CNOT6: variants seen among roughly 807,000 people sequenced by gnomAD.
CNOT6 encodes carbon catabolite repression 4 protein.
Under a neutral mutation model 61.2 loss-of-function variants are expected in CNOT6, and 12 were observed. That is an observed-to-expected ratio of 0.20 (90% CI 0.13 to 0.32). CNOT6 has a LOEUF of 0.32. CNOT6 is among the 10% of genes least tolerant of loss of function. CNOT6 has a pLI of 1.00. For missense variants in CNOT6, 405 were observed against 663.9 expected (o/e 0.61, Z 4.28); for synonymous variants, 225 against 240.6 (o/e 0.94, Z 0.60).
chr5:180,549,910 C>T (rs1759510530), intron 2 of CNOT6, 21 bp from the exon 3 acceptor site: 5 of 1,568,778 alleles, frequency 3.2e-6, no homozygotes, highest in East Asian at 4.5e-5. Context: ...TAATCCGTTC[C>T]TGTATTTTTT....
In CNOT6 at chr5:180,529,213, AG is replaced by A. The variant is rs1164068688; in HGVS notation, c.-2-60del. 4.6e-5 allele frequency: 35 copies of A among 766,266 alleles called. No individual in the cohort carries two copies. In the African/African-American group the frequency reaches 5.8e-4, roughly 13 times the overall value. The allele number at this position is 766,266 out of a possible 1,614,324, so 47.5% of individuals were successfully genotyped here. A position where few individuals can be genotyped will look rare whatever the true frequency, so the allele number is the denominator to read the frequency against. On this transcript the variant is annotated intron_variant, in intron 1 of 11. Transcript: ENST00000261951. ...ACTTCGTCTCAAAAAAAAAAAAAAA[AG>A]GTGTTGTGGCTTTTGTTTATTTGAT...
chr5:180,560,818 C>T (rs76609084), intron 4 of CNOT6, among the ~76,000 whole-genome samples: 5,716 of 152,198 alleles, frequency 0.038, 236 homozygotes, highest in African/African-American at 0.1. Context: ...TTTTTCAGCC[C>T]TGTCCTCCGT....
At chr5:180,559,627 T>A (rs1021478664) in intron 4 of CNOT6, among the ~76,000 whole-genome samples, 5 of 152,206 alleles carry the variant, frequency 3.3e-5, no homozygotes, top group Non-Finnish European at 5.9e-5. Context: ...GTCGTAAGTC[T>A]GCCATTTTAT....
chr5:180,546,298 ACT>A (rs1759309799), intron 2 of CNOT6, among the ~76,000 whole-genome samples: 2 of 142,672 alleles, frequency 1.4e-5, no homozygotes, highest in African/African-American at 2.6e-5. Flanking sequence ...TTTTTTCTTC[ACT>A]CTCTTGTTTT....
At chr5:180,517,425 G>A (rs900905580) in intron 1 of CNOT6, among the ~76,000 whole-genome samples, 6 of 151,742 alleles carry the variant, frequency 4.0e-5, no homozygotes, top group Non-Finnish European at 7.4e-5. Flanking sequence ...CACTGTACCC[G>A]GCCGTTTTTA....
At chr5:180,550,149 A>C (rs771061566) in intron 3 of CNOT6, 32 bp downstream of exon 3, 2 of 1,570,790 alleles carry the variant, frequency 1.3e-6, no homozygotes, top group East Asian at 4.5e-5. Context: ...CATACTAGCT[A>C]TATGACCCCT....
intron 1 of CNOT6, among the ~76,000 whole-genome samples, chr5:180,516,939 A>C (rs922224939): frequency 1.3e-5 from 2 of 152,154 alleles, no homozygotes; most frequent in Non-Finnish European, 2.9e-5. Flanking sequence ...CGTGTGTTTC[A>C]TACTGCACCA....
At chr5:180,558,521 A>T (rs994525954) in intron 4 of CNOT6, among the ~76,000 whole-genome samples, 11 of 145,936 alleles carry the variant, frequency 7.5e-5, no homozygotes, top group Non-Finnish European at 1.6e-4. Context: ...AAAAAAAAAA[A>T]CAAAAAACCT....
At chr5:180,559,118 A>G (rs1760044432) in intron 4 of CNOT6, among the ~76,000 whole-genome samples, 1 of 152,186 alleles carries the variant, frequency 6.6e-6, no homozygotes, top group Admixed American at 6.5e-5. Flanking sequence ...TGTTCTATAA[A>G]TATCTATTAG....
rs1193105255 is a variant in CNOT6 at position 180,567,991 on chromosome 5, A to G, written c.1015A>G (p.Ile339Val). 1.9e-6 allele frequency: 3 copies of G among 1,607,094 alleles called. No individual in the cohort carries two copies. The Admixed American group carries it at 5.0e-5, about 27-fold the overall frequency. ...AVLLELRKES[I>V]EMPSGKPHLG... Reference sequence around the variant, plus strand: ...ACTGCTAGAACTTCGGAAGGAATCGATTGAAATGCCGTGTGAGTGCCCTTC... The same window carrying G: ...ACTGCTAGAACTTCGGAAGGAATCGGTTGAAATGCCGTGTGAGTGCCCTTC... The change falls in exon 9 of 12, where the codon ATT (isoleucine) becomes GTT (valine). Residue 339 changes from isoleucine (I) to valine (V), a missense_variant. Around this residue, in one of 5 missense-constraint regions of CNOT6, gnomAD observed 116 missense variants for 184.6 expected, o/e 0.63. Transcript: ENST00000261951.
intron 1 of CNOT6, among the ~76,000 whole-genome samples, chr5:180,512,307 A>C (rs1757432450): frequency 6.6e-6 from 1 of 152,198 alleles, no homozygotes; most frequent in South Asian, 2.1e-4. Flanking sequence ...TTATAGATAG[A>C]ATTTCAGTGT....
At position 180,574,757 on chromosome 5, in the gene CNOT6, C is replaced by T. The variant is rs1466540369; in HGVS notation, c.*557C>T. ...GCTAAATTTTTTTTTAAACCTGTTT[C>T]ATGTGTTATAAAGGCCAGCTTGTAA... On this transcript the variant is annotated 3_prime_UTR_variant, in exon 12 of 12. Coordinates refer to ENST00000261951, the MANE Select transcript of CNOT6 (RefSeq NM_001370472.1). 6 of 154,434 alleles carry T rather than the reference C, an allele frequency of 3.9e-5. No individual in the cohort carries two copies. In the East Asian group the frequency reaches 9.6e-4, roughly 25 times the overall value. 9.6% of individuals were successfully genotyped at this position (154,434 alleles called of 1,614,324 possible).
At chr5:180,535,588 CT>C (rs1758644752) in intron 2 of CNOT6, among the ~76,000 whole-genome samples, 1 of 152,198 alleles carries the variant, frequency 6.6e-6, no homozygotes, top group Non-Finnish European at 1.5e-5. Context: ...GAGGCCGTAT[CT>C]TTGCTATTGT....
chr5:180,539,322 T>C (rs13177323), intron 2 of CNOT6, among the ~76,000 whole-genome samples: 26,421 of 151,052 alleles, frequency 0.17, 2,403 homozygotes, highest in Non-Finnish European at 0.19. Flanking sequence ...TCCTCCTCCT[T>C]AAATTTTTTT....
chr5:180,526,350 G>T (rs1186161810), intron 1 of CNOT6, among the ~76,000 whole-genome samples: 1 of 152,198 alleles, frequency 6.6e-6, no homozygotes, highest in Non-Finnish European at 1.5e-5. Flanking sequence ...TGAGAGGAAG[G>T]AAGGGATTGC....
At chr5:180,503,823 C>G (rs1003450350) in intron 1 of CNOT6, among the ~76,000 whole-genome samples, 2 of 151,352 alleles carry the variant, frequency 1.3e-5, no homozygotes, top group African/African-American at 4.9e-5. Context: ...TCAGGATGGT[C>G]TCGATCTCCT....
chr5:180,503,214 C>A (rs1407699694), intron 1 of CNOT6, among the ~76,000 whole-genome samples: 2 of 150,886 alleles, frequency 1.3e-5, no homozygotes, highest in East Asian at 3.9e-4. Flanking sequence ...GTAAACCCAT[C>A]ATTTCAAGCC....
chr5:180,516,642 C>T (rs1757650460), intron 1 of CNOT6, among the ~76,000 whole-genome samples: 1 of 152,210 alleles, frequency 6.6e-6, no homozygotes, highest in Non-Finnish European at 1.5e-5. Context: ...AGAGTAACAT[C>T]ACGCAAATCA....
chr5:180,564,599 T>C lies in CNOT6; in HGVS notation c.490+6T>C, dbSNP rs889747606. On this transcript the variant is annotated splice_donor_region_variant and intron_variant, in intron 5 of 11. Transcript: ENST00000261951. ...GTCAGGTACTGCAAAAAGAAGTAAG[T>C]GGTTATTTGTTTAAACCTTTTTATT... 8 of 1,611,704 alleles carry C rather than the reference T, an allele frequency of 5.0e-6. No individual in the cohort carries two copies. Among genetic ancestry groups the C allele is most frequent in the Admixed American group, 3.3e-5 (2 of 59,990 alleles).
Sources: allele counts gnomAD v4.1 joint callset (sites outside exome capture counted in the v4.1 genomes callset), GRCh38; gene constraint gnomAD v4.1.1; regional missense constraint gnomAD v4.1.1; transcripts MANE v1.5; gene names NCBI Gene and HGNC (gene_info 2026-07-23, HGNC 2026-07-21).